YWHAG: variants seen among roughly 807,000 people sequenced by gnomAD.
The protein encoded by YWHAG is tyrosine 3-monooxygenase/tryptophan 5-monooxygenase activation protein gamma.
In YWHAG, 1 loss-of-function variant was observed where a neutral mutation model predicts 23.3. The ratio of observed to expected loss-of-function variants is 0.04; its 90% CI spans 0.02 to 0.20. The LOEUF (loss-of-function observed/expected upper bound fraction) is 0.20, where lower values mean the gene tolerates loss of function less well. Among genes scored for constraint, YWHAG ranks in the 10% least tolerant of loss-of-function variants. The pLI is 1.00. For synonymous variants in YWHAG, 160 were observed against 144.0 expected, an observed-to-expected ratio of 1.11 and a Z score of -0.80; for missense variants, 151 against 338.6, an observed-to-expected ratio of 0.45 and a Z score of 4.35.
rs1050778788 is a variant in YWHAG at position 76,327,260 on chromosome 7, T to C, written c.*2317A>G. On this transcript the variant is annotated 3_prime_UTR_variant, in exon 2 of 2. Transcript: ENST00000307630. ...ACCTTTAAAAAATTTGAAGACTTAA[T>C]TTTTTTTGTCATAGGAATACATAAC... The C allele has an allele frequency of 2.6e-5, 4 of 151,802 alleles. No homozygotes were observed. The highest frequency in any genetic ancestry group is 9.7e-5 in the African/African-American group (4 of 41,340). 9.4% of individuals were successfully genotyped at this position (151,802 alleles called of 1,614,324 possible).
At chr7:76,353,168 A>AT (rs1803900038) in intron 1 of YWHAG, among the ~76,000 whole-genome samples, 1 of 152,182 alleles carries the variant, frequency 6.6e-6, no homozygotes, top group South Asian at 2.1e-4. Context: ...TAGCAAACCA[A>AT]TTATTTATAA....
intron 1 of YWHAG, among the ~76,000 whole-genome samples, chr7:76,344,655 A>C (rs1424928845): frequency 6.6e-6 from 1 of 152,142 alleles, no homozygotes; most frequent in Non-Finnish European, 1.5e-5. Flanking sequence ...TGCTCACTTT[A>C]AATGGGGTTA....
intron 1 of YWHAG, among the ~76,000 whole-genome samples, chr7:76,352,385 G>A (rs1409958286): frequency 6.6e-6 from 1 of 152,058 alleles, no homozygotes; most frequent in Non-Finnish European, 1.5e-5. Context: ...GTTGGGGGTG[G>A]ATCAGTGACT....
At chr7:76,350,585 T>TGTTA (rs1443754644) in intron 1 of YWHAG, among the ~76,000 whole-genome samples, 2 of 152,228 alleles carry the variant, frequency 1.3e-5, no homozygotes, top group Admixed American at 1.3e-4. Flanking sequence ...GGCTCATGCC[T>TGTTA]GTAACCCCAG....
At chr7:76,335,509 C>T (rs1213814155) in intron 1 of YWHAG, among the ~76,000 whole-genome samples, 2 of 152,230 alleles carry the variant, frequency 1.3e-5, no homozygotes. Flanking sequence ...CAACTATTTT[C>T]CCCTAAGAGT....
intron 1 of YWHAG, among the ~76,000 whole-genome samples, chr7:76,342,488 A>C (rs1255973742): frequency 6.6e-6 from 1 of 152,194 alleles, no homozygotes; most frequent in Non-Finnish European, 1.5e-5. Flanking sequence ...TGACTTCTTC[A>C]TATCAAGGCT....
chr7:76,338,970 T>C (rs982042306), intron 1 of YWHAG, among the ~76,000 whole-genome samples: 7 of 152,244 alleles, frequency 4.6e-5, no homozygotes, highest in Non-Finnish European at 7.3e-5. Context: ...TTTGTACCGA[T>C]GACTAGTAGT....
intron 1 of YWHAG, among the ~76,000 whole-genome samples, chr7:76,331,852 T>A (rs892525462): frequency 2.6e-4 from 40 of 151,256 alleles, no homozygotes; most frequent in African/African-American, 8.0e-4. Flanking sequence ...AAAAAAAAAT[T>A]TTTTTTCTTA....
intron 1 of YWHAG, among the ~76,000 whole-genome samples, chr7:76,339,157 T>A (rs1334622398): frequency 6.6e-6 from 1 of 152,216 alleles, no homozygotes; most frequent in Non-Finnish European, 1.5e-5. Context: ...TCTGTGTGTT[T>A]TAACTTAGTT....
At chr7:76,349,006 A>T (rs935725558) in intron 1 of YWHAG, among the ~76,000 whole-genome samples, 2 of 152,342 alleles carry the variant, frequency 1.3e-5, no homozygotes, top group South Asian at 4.1e-4. Flanking sequence ...AGTAAACGTC[A>T]AACTATATTA....
chr7:76,358,409 G>C (rs1168630933), intron 1 of YWHAG, among the ~76,000 whole-genome samples: 1 of 152,174 alleles, frequency 6.6e-6, no homozygotes, highest in Non-Finnish European at 1.5e-5. Flanking sequence ...TCCCCGCTCG[G>C]GTCCCCTGCA....
chr7:76,344,302 G>A (rs550151695), intron 1 of YWHAG, among the ~76,000 whole-genome samples: 2 of 152,214 alleles, frequency 1.3e-5, no homozygotes, highest in Admixed American at 1.3e-4. Flanking sequence ...GTACAGACAG[G>A]GTTTCACCAT....
chr7:76,354,362 T>C (rs1803919965), intron 1 of YWHAG, among the ~76,000 whole-genome samples: 1 of 151,510 alleles, frequency 6.6e-6, no homozygotes, highest in African/African-American at 2.4e-5. Flanking sequence ...ACTACAAAAA[T>C]TCACTGGGCG....
At chr7:76,346,110 G>A (rs10241401) in intron 1 of YWHAG, among the ~76,000 whole-genome samples, 10,821 of 152,134 alleles carry the variant, frequency 0.071, 576 homozygotes, top group East Asian at 0.16. Context: ...GCCCTACACA[G>A]TCGTCACTGT....
intron 1 of YWHAG, among the ~76,000 whole-genome samples, chr7:76,342,718 G>A (rs887075134): frequency 1.3e-5 from 2 of 151,964 alleles, no homozygotes; most frequent in African/African-American, 4.8e-5. Flanking sequence ...AACCTCCGCT[G>A]GGCTACTTTC....
At position 76,327,107 on chromosome 7, in the gene YWHAG, C is replaced by G. The variant is rs549799767; in HGVS notation, c.*2470G>C. On this transcript the variant is annotated 3_prime_UTR_variant, in exon 2 of 2. Coordinates refer to ENST00000307630, the MANE Select transcript of YWHAG (RefSeq NM_012479.4). ...ACACTGGTGTTTCTTTTGCTCCCCC[C>G]CTTTTAAAAACAAAATATATAACTG... is the stretch of plus-strand genomic sequence containing the variant. 3.3e-5 allele frequency: 5 copies of G among 152,410 alleles called. No individual in the cohort carries two copies. The highest frequency in any genetic ancestry group is 4.8e-5 in the African/African-American group (2 of 41,396). The allele number at this position is 152,410 out of a possible 1,614,324, so 9.4% of individuals were successfully genotyped here.
chr7:76,341,196 C>G (rs1448307200), intron 1 of YWHAG, among the ~76,000 whole-genome samples: 1 of 152,034 alleles, frequency 6.6e-6, no homozygotes, highest in Non-Finnish European at 1.5e-5. Context: ...AGTTTGAGAC[C>G]AGCCTGGGCA....
At chr7:76,348,416 C>T (rs1803819597) in intron 1 of YWHAG, among the ~76,000 whole-genome samples, 1 of 148,332 alleles carries the variant, frequency 6.7e-6, no homozygotes, top group Non-Finnish European at 1.5e-5. Flanking sequence ...CCACCATGCC[C>T]GCTAATTTTT....
intron 1 of YWHAG, among the ~76,000 whole-genome samples, chr7:76,352,257 T>G (rs1803887083): frequency 6.6e-6 from 1 of 152,210 alleles, no homozygotes; most frequent in African/African-American, 2.4e-5. Context: ...TCAAGAAATG[T>G]AAATCATCTC....
Sources: gnomAD v4.1 joint callset for allele counts (sites outside exome capture counted in the v4.1 genomes callset) on GRCh38, gnomAD v4.1.1 for gene constraint, MANE v1.5 for transcripts, NCBI Gene and HGNC (gene_info 2026-07-23, HGNC 2026-07-21) for gene names.